The following KLC1 variants were observed in gnomAD, a reference collection of about 807,000 sequenced individuals.
KLC1 encodes kinesin 2 60/70kDa.
In KLC1, 30 loss-of-function variants were observed where a neutral mutation model predicts 84.2. The ratio of observed to expected loss-of-function variants is 0.36; its 90% CI spans 0.27 to 0.48. The LOEUF (loss-of-function observed/expected upper bound fraction) is 0.48. KLC1 is among the 20% of genes least tolerant of loss of function. The pLI is 0.99. For synonymous variants in KLC1, 289 were observed against 293.3 expected (o/e 0.99, Z 0.15); for missense variants, 499 against 805.4 (o/e 0.62, Z 4.60).
chr14:103,670,724 A>G (rs1217976456), intron 7 of KLC1, among the ~76,000 whole-genome samples: 1 of 151,964 alleles, frequency 6.6e-6, no homozygotes, highest in African/African-American at 2.4e-5. Context: ...GCTGAAAACA[A>G]CTCATTTAAT....
intron 15 of KLC1, 58 bp from the exon 16 acceptor site, chr14:103,700,597 A>G: frequency 2.8e-6 from 4 of 1,418,750 alleles, no homozygotes; most frequent in Admixed American, 1.8e-5. Context: ...GGAGCTCTGA[A>G]GACGCCTGAG....
chr14:103,692,464 G>T, intron 15 of KLC1, 39 bp downstream of exon 15: 2 of 1,520,684 alleles, frequency 1.3e-6, no homozygotes, highest in South Asian at 2.4e-5. Flanking sequence ...AGGCTGCCCA[G>T]ACCACGCTGG....
At chr14:103,660,048 T>C (rs977508405) in intron 3 of KLC1, among the ~76,000 whole-genome samples, 4 of 152,158 alleles carry the variant, frequency 2.6e-5, no homozygotes, top group African/African-American at 9.7e-5. Context: ...CATCTCTAAA[T>C]ACCATTACAC....
chr14:103,654,495 AT>A, intron 1 of KLC1, 68 bp from the exon 2 acceptor site: 1 of 1,330,646 alleles, frequency 7.5e-7, no homozygotes, highest in Non-Finnish European at 1.0e-6. Flanking sequence ...AAATTTTCAT[AT>A]TTACTTGATG....
At chr14:103,655,745 AT>A (rs2078788494) in intron 2 of KLC1, among the ~76,000 whole-genome samples, 1 of 152,152 alleles carries the variant, frequency 6.6e-6, no homozygotes, top group Non-Finnish European at 1.5e-5. Flanking sequence ...AGTAGCTGGG[AT>A]TACAGGCACA....
chr14:103,698,897 G>T, intron 15 of KLC1: 4 of 1,602,782 alleles, frequency 2.5e-6, no homozygotes, highest in South Asian at 1.1e-5. Flanking sequence ...GCACCCGCAG[G>T]GTCCGGGCTG....
At chr14:103,629,766 C>CCG (rs998343785) in intron 1 of KLC1, among the ~76,000 whole-genome samples, 2 of 152,052 alleles carry the variant, frequency 1.3e-5, no homozygotes, top group African/African-American at 4.8e-5. Context: ...TCCTCCCCAT[C>CCG]CGCGTCCCAC....
At position 103,666,225 on chromosome 14, in the gene KLC1, G is replaced by A. The variant is rs547782515; in HGVS notation, c.798-3286G>A. ...ACTACAGGCGCCTGCCACCGCGCCC[G>A]GCTAATTTTTTGTATTTTTAGTAGA... On this transcript the variant is annotated intron_variant, in intron 5 of 16. Transcript: ENST00000334553. Among the ~76,000 whole-genome samples, 43 of 152,074 alleles carry A rather than the reference G, an allele frequency of 2.8e-4. 1 individual carries two copies. In the South Asian group the frequency reaches 2.9e-3, roughly 10 times the overall value.
chr14:103,667,781 C>T lies in KLC1; in HGVS notation c.798-1730C>T, dbSNP rs150097136. Among the ~76,000 whole-genome samples, 44 of 152,280 alleles carry T rather than the reference C, an allele frequency of 2.9e-4. 1 individual carries two copies. Among genetic ancestry groups the T allele is most frequent in the African/African-American group, 8.4e-4 (35 of 41,542 alleles). Reference sequence around the variant, plus strand: ...AGTGTGCTTCAGAGGTTGTAGAAGCCTTATTAACCTTTCTCACGTTTTTCA... The same window carrying T: ...AGTGTGCTTCAGAGGTTGTAGAAGCTTTATTAACCTTTCTCACGTTTTTCA... On this transcript the variant is annotated intron_variant, in intron 5 of 16. Transcript: ENST00000334553.
At chr14:103,679,621 C>A in intron 13 of KLC1, 76 bp downstream of exon 13, 1 of 1,093,760 alleles carries the variant, frequency 9.1e-7, no homozygotes, top group Non-Finnish European at 1.4e-6. Flanking sequence ...CCTCCTGTCT[C>A]ATGTGCTAGA....
intron 14 of KLC1, among the ~76,000 whole-genome samples, chr14:103,688,624 A>T (rs2081924324): frequency 6.6e-6 from 1 of 152,124 alleles, no homozygotes; most frequent in East Asian, 1.9e-4. Flanking sequence ...TCCGCTTGGT[A>T]TCCCTGTGGG....
chr14:103,701,054 G>A, intron 16 of KLC1, 147 bp from the exon 17 acceptor site: 5 of 978,058 alleles, frequency 5.1e-6, no homozygotes, highest in Admixed American at 2.3e-5. Context: ...ATGACCCCTC[G>A]GCCCCAGGGA....
At chr14:103,700,480 A>T in intron 15 of KLC1, 175 bp from the exon 16 acceptor site, 1 of 548,500 alleles carries the variant, frequency 1.8e-6, no homozygotes, top group Non-Finnish European at 3.2e-6. Flanking sequence ...AGTGTAGTTC[A>T]GGCCCCACGG....
At chr14:103,682,569 C>G (rs940248949) in intron 13 of KLC1, 2 of 150,510 alleles carry the variant, frequency 1.3e-5, no homozygotes, top group African/African-American at 4.9e-5. Flanking sequence ...CCTGTAATCC[C>G]AGCTACTTGG....
At position 103,631,143 on chromosome 14, in the gene KLC1, C is replaced by T. The variant is rs1417895815; in HGVS notation, c.-2+1649C>T. On this transcript the variant is annotated intron_variant, in intron 1 of 16. Coordinates refer to ENST00000334553, the MANE Select transcript of KLC1 (RefSeq NM_001394837.1). ...TCGCCCGGGCTGGAGTGTAGTGGCG[C>T]GATCTCGGCTCACTGCAAGCTCCGC... 4.0e-5 allele frequency among the ~76,000 whole-genome samples: 6 copies of T among 151,582 alleles called. No homozygotes were observed. The South Asian group carries it at 8.3e-4, about 21-fold the overall frequency.
intron 11 of KLC1, among the ~76,000 whole-genome samples, chr14:103,676,281 T>C (rs2080867609): frequency 6.6e-6 from 1 of 152,262 alleles, no homozygotes; most frequent in South Asian, 2.1e-4. Context: ...TCTATTTTTT[T>C]TTTTGAGATG....
At chr14:103,652,795 T>C (rs968668632) in intron 1 of KLC1, among the ~76,000 whole-genome samples, 1 of 152,078 alleles carries the variant, frequency 6.6e-6, no homozygotes, top group Non-Finnish European at 1.5e-5. Flanking sequence ...CCGGTCGGCG[T>C]TTGTTGTTTT....
At chr14:103,679,352 G>A in intron 12 of KLC1, 32 bp from the exon 13 acceptor site, 1 of 1,612,100 alleles carries the variant, frequency 6.2e-7, no homozygotes, top group East Asian at 2.2e-5. Flanking sequence ...AGTGCTAATG[G>A]GTCAAACCAT....
chr14:103,687,107 T>C lies in KLC1; in HGVS notation c.1677T>C (p.Ser559=). ...ATGGCACTGGATCTTTAAAACGCAG[T>C]GGTTCCTTTAGCAAACTCCGGGCTT... The part of the protein sequence containing the change: ...NGDGTGSLKR[S]GSFSKLRASI... The change falls in exon 14 of 17, where the codon AGT becomes AGC. Residue 559 remains serine, a synonymous_variant. Transcript: ENST00000334553. The C allele has an allele frequency of 1.3e-6, 2 of 1,545,232 alleles. No individual in the cohort carries two copies. Among genetic ancestry groups the C allele is most frequent in the Non-Finnish European group, 1.8e-6 (2 of 1,142,072 alleles).
Sources: allele counts gnomAD v4.1 joint callset (sites outside exome capture counted in the v4.1 genomes callset), GRCh38; gene constraint gnomAD v4.1.1; transcripts MANE v1.5; gene names NCBI Gene and HGNC (gene_info 2026-07-23, HGNC 2026-07-21).